ATXN1: variants seen among roughly 807,000 people sequenced by gnomAD.
The protein encoded by ATXN1 is ataxin-1.
In ATXN1, 8 loss-of-function variants were observed where a neutral mutation model predicts 56.4. That is an observed-to-expected ratio of 0.14 (90% CI 0.08 to 0.26). The LOEUF (loss-of-function observed/expected upper bound fraction) is 0.26. Among genes scored for constraint, ATXN1 ranks in the 10% least tolerant of loss-of-function variants. The pLI is 1.00. For missense variants in ATXN1, 987 were observed against 1,106.5 expected (o/e 0.89, Z 1.53); for synonymous variants, 514 against 494.6 (o/e 1.04, Z -0.52).
chr6:16,632,340 T>C (rs1171136114), intron 3 of ATXN1, among the ~76,000 whole-genome samples: 2 of 152,226 alleles, frequency 1.3e-5, no homozygotes, highest in Non-Finnish European at 2.9e-5. Flanking sequence ...GACATGAGGA[T>C]GACATGTGAC....
At chr6:16,718,553 T>C (rs552732177) in intron 2 of ATXN1, among the ~76,000 whole-genome samples, 10 of 152,376 alleles carry the variant, frequency 6.6e-5, no homozygotes, top group African/African-American at 2.4e-4. Flanking sequence ...AAATGCTTAC[T>C]TCCCATTTGC....
At chr6:16,703,410 A>G (rs1759332542) in intron 2 of ATXN1, among the ~76,000 whole-genome samples, 1 of 152,216 alleles carries the variant, frequency 6.6e-6, no homozygotes, top group African/African-American at 2.4e-5. Context: ...CAGTACAACA[A>G]CATGGCACAT....
chr6:16,700,270 T>C (rs900119323), intron 2 of ATXN1, among the ~76,000 whole-genome samples: 3 of 152,154 alleles, frequency 2.0e-5, no homozygotes, highest in Non-Finnish European at 2.9e-5. Context: ...TCTTGAAGAA[T>C]AGTATTGGCA....
intron 2 of ATXN1, among the ~76,000 whole-genome samples, chr6:16,729,678 A>G (rs1561825981): frequency 1.3e-5 from 2 of 152,324 alleles, no homozygotes; most frequent in South Asian, 4.1e-4. Context: ...CCTACCAACA[A>G]CTGGTTTACT....
At chr6:16,419,230 C>T (rs1395105963) in intron 6 of ATXN1, among the ~76,000 whole-genome samples, 1 of 152,194 alleles carries the variant, frequency 6.6e-6, no homozygotes, top group Non-Finnish European at 1.5e-5. Flanking sequence ...AGTACAGGTG[C>T]ATGACACTGC....
chr6:16,430,227 T>C (rs1243753433), intron 6 of ATXN1, among the ~76,000 whole-genome samples: 1 of 151,904 alleles, frequency 6.6e-6, no homozygotes, highest in Non-Finnish European at 1.5e-5. Context: ...CGCGAGTCCC[T>C]GAATCCCCCA....
intron 3 of ATXN1, among the ~76,000 whole-genome samples, chr6:16,618,993 A>G (rs899401671): frequency 1.3e-5 from 2 of 152,196 alleles, no homozygotes; most frequent in African/African-American, 4.8e-5. Flanking sequence ...CGAATGGCCA[A>G]TTTAAAAAAG....
chr6:16,637,223 A>G (rs1347682785), intron 3 of ATXN1, among the ~76,000 whole-genome samples: 2 of 152,098 alleles, frequency 1.3e-5, no homozygotes, highest in African/African-American at 4.8e-5. Flanking sequence ...GGAAACCATC[A>G]TTCTCAGCAA....
rs761108391 is a variant in ATXN1, at chr6:16,739,681, G to A, written c.-615+13552C>T. On this transcript the variant is annotated intron_variant, in intron 2 of 7. Transcript: ENST00000436367. ...AGCCTGCGCCAGCTCAAAAGCGGTC[G>A]GAAACAGACGTCAGACTATGGGACA... 3.7e-4 allele frequency: 146 copies of A among 399,070 alleles called. 1 individual carries two copies. The highest frequency in any genetic ancestry group is 6.4e-4 in the Middle Eastern group (1 of 1,572). The allele number at this position is 399,070 out of a possible 1,614,324, so 24.7% of individuals were successfully genotyped here.
chr6:16,606,867 T>TGTTGTGTGTGTGTGTGTGTGTGTGTGTG (rs1554119511), intron 3 of ATXN1, among the ~76,000 whole-genome samples: 2 of 126,810 alleles, frequency 1.6e-5, no homozygotes, highest in Non-Finnish European at 3.3e-5. Flanking sequence ...GTTCCATGAG[T>TGTTGTGTGTGTGTGTGTGTGTGTGTGTG]TGTGTGTGTG....
intron 4 of ATXN1, among the ~76,000 whole-genome samples, chr6:16,524,059 A>C (rs906514221): frequency 6.6e-6 from 1 of 152,198 alleles, no homozygotes; most frequent in Non-Finnish European, 1.5e-5. Context: ...TGAGCTGTGG[A>C]AGGCCACAGC....
chr6:16,701,008 C>T (rs1274045892), intron 2 of ATXN1, among the ~76,000 whole-genome samples: 1 of 151,800 alleles, frequency 6.6e-6, no homozygotes, highest in Non-Finnish European at 1.5e-5. Context: ...AAGCAGCGAC[C>T]TCCTGGGTAT....
chr6:16,529,382 C>G (rs536755462), intron 4 of ATXN1, among the ~76,000 whole-genome samples: 2 of 152,124 alleles, frequency 1.3e-5, no homozygotes, highest in Admixed American at 1.3e-4. Context: ...GTAGCCTTGG[C>G]AAGTCAGTCT....
At chr6:16,318,435 G>A (rs931597860) in intron 7 of ATXN1, among the ~76,000 whole-genome samples, 1 of 152,088 alleles carries the variant, frequency 6.6e-6, no homozygotes. Flanking sequence ...GAGAAAGGCC[G>A]GTCTGCTTTC....
At chr6:16,556,301 C>A (rs541596111) in intron 4 of ATXN1, among the ~76,000 whole-genome samples, 1 of 152,256 alleles carries the variant, frequency 6.6e-6, no homozygotes, top group African/African-American at 2.4e-5. Context: ...ACTTTTATCT[C>A]GTTTCTTCCA....
chr6:16,689,047 CTGTG>C (rs149330723), intron 2 of ATXN1, among the ~76,000 whole-genome samples: 2 of 151,444 alleles, frequency 1.3e-5, no homozygotes, highest in East Asian at 3.9e-4. Flanking sequence ...TATGTGTACT[CTGTG>C]TGTGTGTATG....
chr6:16,679,804 T>C (rs3812194), intron 2 of ATXN1, among the ~76,000 whole-genome samples: 46,194 of 152,072 alleles, frequency 0.3, 7,449 homozygotes, highest in African/African-American at 0.42. Context: ...ATTGGTGTTT[T>C]CCAGCAAGTA....
chr6:16,507,740 T>A (rs141408476), intron 5 of ATXN1, among the ~76,000 whole-genome samples: 7 of 152,344 alleles, frequency 4.6e-5, no homozygotes, highest in African/African-American at 1.7e-4. Context: ...TAGTTTGGCA[T>A]GTTTATATAA....
intron 1 of ATXN1, among the ~76,000 whole-genome samples, chr6:16,759,537 T>G (rs1469282136): frequency 1.4e-5 from 2 of 142,476 alleles, no homozygotes; most frequent in South Asian, 2.3e-4. Flanking sequence ...ACTGTTTTTT[T>G]TTTTTTTTTT....
Sources: gnomAD v4.1 joint callset for allele counts (sites outside exome capture counted in the v4.1 genomes callset) on GRCh38, gnomAD v4.1.1 for gene constraint, MANE v1.5 for transcripts, NCBI Gene and HGNC (gene_info 2026-07-23, HGNC 2026-07-21) for gene names.